TENM4: variants seen among roughly 807,000 people sequenced by gnomAD.
The protein encoded by TENM4 is teneurin-4.
TENM4 carries 82 observed loss-of-function variants against 243.3 expected under a neutral mutation model. The observed-to-expected ratio is 0.34, with a 90% CI of 0.28 to 0.40. TENM4 has a LOEUF of 0.40. TENM4 is among the 10% of genes least tolerant of loss of function. TENM4 has a pLI of 1.00. For synonymous variants in TENM4, 1,412 were observed against 1,456.3 expected (o/e 0.97, Z 0.69); for missense variants, 3,138 against 3,673.3 (o/e 0.85, Z 3.77).
At chr11:79,236,915 G>C (rs1864485416) in intron 2 of TENM4, among the ~76,000 whole-genome samples, 4 of 152,126 alleles carry the variant, frequency 2.6e-5, no homozygotes, top group African/African-American at 9.7e-5. Flanking sequence ...AGGCTCTGCT[G>C]TCTGGTTCCC....
At position 78,706,396 on chromosome 11, in the gene TENM4, G is replaced by A. The variant is rs930878645; in HGVS notation, c.4209+1965C>T. On this transcript the variant is annotated intron_variant, in intron 27 of 33. Transcript: ENST00000278550. ...AGCTGGTCCAAGTTCCTTGGCTCTC[G>A]CCTTCTCACTCATGCCTCTGAGCTG... is the stretch of plus-strand genomic sequence containing the variant. Among the ~76,000 whole-genome samples the A allele has an allele frequency of 9.2e-5, 14 of 152,064 alleles. No homozygotes were observed. In the South Asian group the frequency reaches 1.7e-3, roughly 18 times the overall value.
intron 3 of TENM4, among the ~76,000 whole-genome samples, chr11:79,190,244 T>C (rs77927430): frequency 0.074 from 11,211 of 152,264 alleles, 1,399 homozygotes; most frequent in African/African-American, 0.25. Flanking sequence ...CTGCCTCTTG[T>C]CAGCTACCAG....
chr11:78,971,674 C>G (rs12270484), intron 6 of TENM4, among the ~76,000 whole-genome samples: 5,169 of 151,896 alleles, frequency 0.034, 276 homozygotes, highest in African/African-American at 0.11. Flanking sequence ...AATGTGAAAG[C>G]TTTTCAATTG....
chr11:79,384,708 T>C (rs1477767201), intron 1 of TENM4, among the ~76,000 whole-genome samples: 1 of 151,950 alleles, frequency 6.6e-6, no homozygotes, highest in East Asian at 1.9e-4. Context: ...GGCAAATCAC[T>C]TGAGGTCAGG....
intron 29 of TENM4, among the ~76,000 whole-genome samples, chr11:78,686,829 T>C (rs1222335239): frequency 6.6e-6 from 1 of 152,252 alleles, no homozygotes; most frequent in Non-Finnish European, 1.5e-5. Flanking sequence ...GTGTGGTTTC[T>C]CTTTCTTTGA....
intron 19 of TENM4, among the ~76,000 whole-genome samples, chr11:78,751,585 T>G (rs916356987): frequency 6.6e-6 from 1 of 152,188 alleles, no homozygotes; most frequent in African/African-American, 2.4e-5. Flanking sequence ...TTGAATAACC[T>G]GGGGGTGGTT....
At chr11:78,797,448 C>T (rs1258749147) in intron 15 of TENM4, among the ~76,000 whole-genome samples, 1 of 152,194 alleles carries the variant, frequency 6.6e-6, no homozygotes, top group East Asian at 1.9e-4. Flanking sequence ...AAACTTCATT[C>T]TGAAGCCCAA....
intron 1 of TENM4, among the ~76,000 whole-genome samples, chr11:79,409,101 TGCGCGCGCGCGC>T (rs377309749): frequency 6.8e-5 from 7 of 103,676 alleles, no homozygotes; most frequent in East Asian, 5.0e-4. Context: ...TGTGTGTGTG[TGCGCGCGCGCGC>T]GTGCGTGCAC....
intron 1 of TENM4, among the ~76,000 whole-genome samples, chr11:79,299,033 T>A (rs756608321): frequency 5.3e-5 from 8 of 151,778 alleles, no homozygotes. Flanking sequence ...GGACAATATC[T>A]AGGAAGTCAT....
chr11:78,887,234 T>A (rs753959643), intron 9 of TENM4, among the ~76,000 whole-genome samples: 8 of 152,214 alleles, frequency 5.3e-5, no homozygotes, highest in Non-Finnish European at 7.3e-5. Context: ...ATCATCCTCT[T>A]TCAAGTCTTT....
rs74593064 is a variant in TENM4 at position 78,907,105 on chromosome 11, G to A, written c.494-3582C>T. Among the ~76,000 whole-genome samples the A allele has an allele frequency of 8.5e-3, 1,295 of 152,238 alleles. 21 individuals carry two copies. The highest frequency in any genetic ancestry group is 0.03 in the African/African-American group (1,231 of 41,534). ...TTTCTAGCTTGAGAATGTTAAGAAAGGGGACCTTGATGTTTCCTGGGTTCC... is the reference window on the plus strand; with the variant it reads ...TTTCTAGCTTGAGAATGTTAAGAAAAGGGACCTTGATGTTTCCTGGGTTCC... On this transcript the variant is annotated intron_variant, in intron 6 of 33. Transcript: ENST00000278550.
chr11:79,245,794 G>C (rs1855503092), intron 2 of TENM4, among the ~76,000 whole-genome samples: 2 of 151,910 alleles, frequency 1.3e-5, no homozygotes, highest in Non-Finnish European at 2.9e-5. Context: ...ACAAAAATTA[G>C]CCAGCCATGG....
chr11:78,970,230 CAA>C lies in TENM4; in HGVS notation c.494-66709_494-66708del, dbSNP rs1191352571. ...CTACTGCTTGAATAGACTATCCTGC[CAA>C]AGAGGGACCACGTATTGCTCACCTA... On this transcript the variant is annotated intron_variant, in intron 6 of 33. Coordinates refer to ENST00000278550, the MANE Select transcript of TENM4 (RefSeq NM_001098816.3). 2.6e-5 allele frequency among the ~76,000 whole-genome samples: 4 copies of C among 152,176 alleles called. No homozygotes were observed. In the East Asian group the frequency reaches 7.7e-4, roughly 29 times the overall value.
rs774521396 is a variant in TENM4 at position 78,670,475 on chromosome 11, G to A, written c.5870C>T (p.Thr1957Met). ...TGTCTGCCGCGCCACGTTGGGCATC[G>A]TCACAGAAGAGAGGCGGTCATTCTT... ...FDKNDRLSSV[T>M]MPNVARQTLE... Residue 1957 changes from threonine (T) to methionine (M), a missense_variant, in exon 32 of 34, where the codon ACG becomes ATG. By Grantham distance (81) the Thr-to-Met change is moderately conservative (BLOSUM62 -1). This residue lies in a region of TENM4 where 2,467 missense variants were observed against 3,059.1 expected (regional missense o/e 0.81). Transcript: ENST00000278550. The A allele has an allele frequency of 1.4e-5, 23 of 1,613,970 alleles. No homozygotes were observed. Among genetic ancestry groups the A allele is most frequent in the Non-Finnish European group, 1.8e-5 (21 of 1,179,890 alleles).
In TENM4 at chr11:78,831,712, TGAA is replaced by T. The variant is rs1857986784; in HGVS notation, c.1682-17320_1682-17318del. Among the ~76,000 whole-genome samples, 3 of 152,180 alleles carry T rather than the reference TGAA, an allele frequency of 2.0e-5. No individual in the cohort carries two copies. In the South Asian group the frequency reaches 6.2e-4, roughly 31 times the overall value. On this transcript the variant is annotated intron_variant, in intron 12 of 33. Transcript: ENST00000278550. ...GGCGTCAGCTGACAGATGCCAGTAA[TGAA>T]GGACAAAAGAGACTTCCCATAGTTT...
chr11:78,868,894 TTC>T (rs1392458349), intron 9 of TENM4, among the ~76,000 whole-genome samples: 1 of 152,144 alleles, frequency 6.6e-6, no homozygotes, highest in Non-Finnish European at 1.5e-5. Context: ...CTACCCACTT[TTC>T]TGTTTTATAT....
intron 3 of TENM4, among the ~76,000 whole-genome samples, chr11:79,199,006 T>G (rs921843282): frequency 6.6e-6 from 1 of 152,108 alleles, no homozygotes; most frequent in African/African-American, 2.4e-5. Context: ...GAGTCCCTGA[T>G]GTTAGACGCT....
chr11:78,855,894 T>G (rs1858669638), intron 11 of TENM4, 70 bp downstream of exon 11: 3 of 1,455,630 alleles, frequency 2.1e-6, no homozygotes, highest in Non-Finnish European at 1.9e-6. Context: ...GGATTGGGCT[T>G]CTTAACTTTG....
intron 2 of TENM4, among the ~76,000 whole-genome samples, chr11:79,232,788 G>A (rs559013809): frequency 6.6e-6 from 1 of 152,356 alleles, no homozygotes; most frequent in South Asian, 2.1e-4. Flanking sequence ...AGCCAGAAAA[G>A]GAGGTGAATC....
Sources: gnomAD v4.1 joint callset for allele counts (sites outside exome capture counted in the v4.1 genomes callset) on GRCh38, gnomAD v4.1.1 for gene constraint, gnomAD v4.1.1 regional missense constraint, MANE v1.5 for transcripts, NCBI Gene and HGNC (gene_info 2026-07-23, HGNC 2026-07-21) for gene names.